EPB41L5: variants seen among roughly 807,000 people sequenced by gnomAD.
EPB41L5 encodes the protein band 4.1-like protein 5.
In EPB41L5, 55 loss-of-function variants were observed where a neutral mutation model predicts 106.6. The ratio of observed to expected loss-of-function variants is 0.52; its 90% confidence interval spans 0.42 to 0.65. EPB41L5 has a LOEUF of 0.65. Among genes scored for constraint, EPB41L5 ranks in the 30% least tolerant of loss-of-function variants. The pLI is 0.00. For synonymous variants in EPB41L5, 297 were observed against 306.7 expected (o/e 0.97, Z 0.33); for missense variants, 871 against 882.1 (o/e 0.99, Z 0.16).
intron 1 of EPB41L5, among the ~76,000 whole-genome samples, chr2:120,014,400 G>A (rs1677368319): frequency 6.6e-6 from 1 of 152,210 alleles, no homozygotes; most frequent in Non-Finnish European, 1.5e-5. Context: ...TGTCAGGCGA[G>A]ATGCGGGTTA....
At chr2:120,136,032 T>C (rs1480862985) in intron 18 of EPB41L5, among the ~76,000 whole-genome samples, 1 of 151,780 alleles carries the variant, frequency 6.6e-6, no homozygotes, top group Non-Finnish European at 1.5e-5. Context: ...TACAACAACT[T>C]TTCTAGACAT....
intron 5 of EPB41L5, among the ~76,000 whole-genome samples, chr2:120,074,740 G>C (rs1167211075): frequency 2.0e-5 from 3 of 152,112 alleles, no homozygotes; most frequent in Admixed American, 1.3e-4. Flanking sequence ...AAATGAAAAA[G>C]TTGAGCTTTT....
At chr2:120,016,693 A>G (rs1195750558) in intron 1 of EPB41L5, among the ~76,000 whole-genome samples, 1 of 151,978 alleles carries the variant, frequency 6.6e-6, no homozygotes, top group East Asian at 1.9e-4. Flanking sequence ...TCTCAGTCTC[A>G]CTCAGGTTGG....
chr2:120,060,697 T>C (rs1680977839), intron 3 of EPB41L5, among the ~76,000 whole-genome samples: 1 of 152,190 alleles, frequency 6.6e-6, no homozygotes, highest in African/African-American at 2.4e-5. Flanking sequence ...TTGATTGTGG[T>C]ATTAGGATAG....
intron 17 of EPB41L5, among the ~76,000 whole-genome samples, chr2:120,129,335 CA>C (rs759787102): frequency 1.5e-4 from 13 of 88,866 alleles, no homozygotes; most frequent in African/African-American, 2.1e-4. Flanking sequence ...GACTCTGTCT[CA>C]AAAAAAAAAA....
intron 2 of EPB41L5, 129 bp downstream of exon 2, chr2:120,019,393 C>T (rs557423865): frequency 1.1e-5 from 8 of 747,278 alleles, no homozygotes; most frequent in African/African-American, 8.4e-5. Context: ...ATAGATCAGG[C>T]ACTGTAACAT....
intron 14 of EPB41L5, among the ~76,000 whole-genome samples, chr2:120,098,047 G>C (rs1683869544): frequency 6.6e-6 from 1 of 152,118 alleles, no homozygotes; most frequent in Non-Finnish European, 1.5e-5. Context: ...TAAGACTTAG[G>C]ATCATGGGTA....
rs181941512 is a variant in EPB41L5, at chr2:120,123,274, T to C, written c.1338-4414T>C. ...GTGCATCTGACTGTTGTTCACCGCCTCCTCACATGAGGTGTTTTGGTTTTC... is the reference window on the plus strand; with the variant it reads ...GTGCATCTGACTGTTGTTCACCGCCCCCTCACATGAGGTGTTTTGGTTTTC... On this transcript the variant is annotated intron_variant, in intron 16 of 24. Coordinates refer to ENST00000263713, the MANE Select transcript of EPB41L5 (RefSeq NM_020909.4). Among the ~76,000 whole-genome samples, 971 of 152,288 alleles carry C rather than the reference T, an allele frequency of 6.4e-3. 15 individuals carry two copies. Among genetic ancestry groups the C allele is most frequent in the African/African-American group, 0.021 (863 of 41,556 alleles).
At chr2:120,118,802 T>A (rs534506089) in intron 16 of EPB41L5, among the ~76,000 whole-genome samples, 2 of 152,228 alleles carry the variant, frequency 1.3e-5, no homozygotes, top group Admixed American at 6.5e-5. Flanking sequence ...GATGGACATA[T>A]GCATGCATGT....
intron 2 of EPB41L5, among the ~76,000 whole-genome samples, chr2:120,026,458 TC>T (rs1678321754): frequency 6.6e-6 from 1 of 152,214 alleles, no homozygotes; most frequent in Admixed American, 6.5e-5. Context: ...GATCTCTGCC[TC>T]CTGGCTTCAA....
chr2:120,123,203 C>CA (rs2105452755), intron 16 of EPB41L5, among the ~76,000 whole-genome samples: 1 of 151,602 alleles, frequency 6.6e-6, no homozygotes, highest in East Asian at 1.9e-4. Flanking sequence ...AGAACTTTTT[C>CA]AGCCTCTGTT....
At chr2:120,092,801 T>C (rs926213509) in intron 13 of EPB41L5, among the ~76,000 whole-genome samples, 5 of 152,212 alleles carry the variant, frequency 3.3e-5, no homozygotes, top group African/African-American at 1.2e-4. Flanking sequence ...ATCAGTCAGC[T>C]CACTCTGGAG....
chr2:120,128,256 A>AACACAC lies in EPB41L5; in HGVS notation c.1501+435_1501+440dup, dbSNP rs3084679. 5.0e-3 allele frequency among the ~76,000 whole-genome samples: 724 copies of AACACAC among 145,430 alleles called. 6 individuals carry two copies. The highest frequency in any genetic ancestry group is 0.018 in the South Asian group (81 of 4,548). The stretch of plus-strand genomic sequence containing the variant: ...TAACACAGAAAGAATGGTGCTTTAA[A>AACACAC]ACACACACACACACACACACACACA... On this transcript the variant is annotated intron_variant, in intron 17 of 24. Transcript: ENST00000263713.
chr2:120,132,775 C>G (rs1457802013), intron 18 of EPB41L5, among the ~76,000 whole-genome samples: 1 of 151,420 alleles, frequency 6.6e-6, no homozygotes, highest in Non-Finnish European at 1.5e-5. Context: ...AAATGGAAAA[C>G]TTTAGATAAA....
At chr2:120,082,442 T>A (rs1038129229) in intron 10 of EPB41L5, among the ~76,000 whole-genome samples, 13 of 152,212 alleles carry the variant, frequency 8.5e-5, no homozygotes, top group African/African-American at 1.2e-4. Flanking sequence ...CAGCCTTGCG[T>A]CCCAGGGATG....
At chr2:120,031,059 G>A (rs1413130191) in intron 2 of EPB41L5, among the ~76,000 whole-genome samples, 1 of 151,778 alleles carries the variant, frequency 6.6e-6, no homozygotes, top group Non-Finnish European at 1.5e-5. Context: ...AGTAGAGACA[G>A]GGTTTCACTA....
intron 10 of EPB41L5, among the ~76,000 whole-genome samples, chr2:120,078,954 AT>A (rs1239975793): frequency 2.0e-5 from 3 of 152,142 alleles, no homozygotes; most frequent in African/African-American, 7.2e-5. Flanking sequence ...AGATACTAAT[AT>A]TTTTATCCCT....
In EPB41L5 at chr2:120,090,525, T is replaced by A; in HGVS notation, c.1043+9T>A. The stretch of plus-strand genomic sequence containing the variant: ...TCACGATTTAGATATAGGTTAATTT[T>A]AATTGCTGTTTTATCTGTCTTTCAT... On this transcript the variant is annotated intron_variant, in intron 12 of 24. Transcript: ENST00000263713. 1.9e-6 allele frequency: 3 copies of A among 1,604,842 alleles called. No homozygotes were observed. The highest frequency in any genetic ancestry group is 2.5e-6 in the Non-Finnish European group (3 of 1,176,544).
intron 18 of EPB41L5, among the ~76,000 whole-genome samples, chr2:120,134,672 G>T (rs553420779): frequency 6.6e-6 from 1 of 152,294 alleles, no homozygotes; most frequent in Admixed American, 6.5e-5. Context: ...AATTCTCCCG[G>T]ATCTTACCCA....
Sources: gnomAD v4.1 joint callset for allele counts (sites outside exome capture counted in the v4.1 genomes callset) on GRCh38, gnomAD v4.1.1 for gene constraint, MANE v1.5 for transcripts, NCBI Gene and HGNC (gene_info 2026-07-23, HGNC 2026-07-21) for gene names.